The following PAAF1 variants were observed in gnomAD, a reference collection of about 807,000 sequenced individuals.
PAAF1 encodes proteasomal ATPase-associated factor 1.
PAAF1 carries 46 observed loss-of-function variants against 52.8 expected under a neutral mutation model. The ratio of observed to expected loss-of-function variants is 0.87; its 90% CI spans 0.69 to 1.11. PAAF1 has a LOEUF of 1.11. Among genes scored for constraint, PAAF1 ranks in the 50% most tolerant of loss-of-function variants. The probability of loss-of-function intolerance (pLI) is 0.00; values close to 1 mark genes in which losing one functional copy is unlikely to be tolerated. For missense variants in PAAF1, 424 were observed against 477.4 expected, an observed-to-expected ratio of 0.89 and a Z score of 1.04; for synonymous variants, 178 against 172.8, an observed-to-expected ratio of 1.03 and a Z score of -0.24.
chr11:73,888,927 G>T (rs550786225), intron 3 of PAAF1: 1 of 475,838 alleles, frequency 2.1e-6, no homozygotes, highest in Non-Finnish European at 3.7e-6. Context: ...AAATACTACA[G>T]AAGTTAGTTT....
rs533161164 is a variant in PAAF1 at position 73,884,863 on chromosome 11, C to G, written c.89-2491C>G. 2.7e-3 allele frequency among the ~76,000 whole-genome samples: 396 copies of G among 144,006 alleles called. 3 individuals carry two copies. The highest frequency in any genetic ancestry group is 8.8e-3 in the African/African-American group (343 of 39,182). The allele number at this position is 144,006 out of a possible 152,430, so 94.5% of individuals were successfully genotyped here. On this transcript the variant is annotated intron_variant, in intron 2 of 11. Coordinates refer to ENST00000310571, the MANE Select transcript of PAAF1 (RefSeq NM_025155.3). Reference sequence around the variant, plus strand: ...TTGTTCTTTTTGACTTTCTTTTATTCTTTTTTTTTTTTTTGAGACGGAGTC... The same window carrying G: ...TTGTTCTTTTTGACTTTCTTTTATTGTTTTTTTTTTTTTTGAGACGGAGTC...
chr11:73,919,543 G>C (rs1351393260), intron 10 of PAAF1, among the ~76,000 whole-genome samples: 1 of 152,174 alleles, frequency 6.6e-6, no homozygotes, highest in African/African-American at 2.4e-5. Context: ...GGCAAGCGGG[G>C]GCAAAAGAAG....
chr11:73,886,760 T>C (rs888266090), intron 2 of PAAF1, among the ~76,000 whole-genome samples: 3 of 150,342 alleles, frequency 2.0e-5, no homozygotes, highest in African/African-American at 7.3e-5. Context: ...TGCTATAGTG[T>C]GTATGTTTGA....
chr11:73,912,007 A>G (rs1337414387), intron 7 of PAAF1, among the ~76,000 whole-genome samples: 3 of 152,114 alleles, frequency 2.0e-5, no homozygotes, highest in African/African-American at 7.2e-5. Flanking sequence ...GGTATTTCAC[A>G]TAGTAAACCC....
rs1391291732 is a variant in PAAF1 at position 73,927,337 on chromosome 11, G to C, written c.1154G>C (p.Arg385Pro). The C allele has an allele frequency of 6.2e-7, 1 of 1,614,092 alleles. No individual in the cohort carries two copies. Among genetic ancestry groups the C allele is most frequent in the South Asian group, 1.1e-5 (1 of 91,068 alleles). Residue 385 changes from arginine (R) to proline (P), a missense_variant, in exon 12 of 12, where the codon CGA becomes CCA. Transcript: ENST00000310571. ...ACATGCTGTCGAGACGGTCTTGTAC[G>C]ACGCTACCAGCTTTCTGACCTCTGA... ...IYTCCRDGLVRRYQLSDL is the reference protein window; with the variant it reads ...IYTCCRDGLVPRYQLSDL
At chr11:73,899,024 G>C in intron 4 of PAAF1, 122 bp from the exon 5 acceptor site, 2 of 701,264 alleles carry the variant, frequency 2.9e-6, no homozygotes. Flanking sequence ...AAGTCCTTTT[G>C]TTGGGAAACA....
chr11:73,883,005 T>G (rs576684986), intron 2 of PAAF1, among the ~76,000 whole-genome samples: 1 of 152,174 alleles, frequency 6.6e-6, no homozygotes, highest in African/African-American at 2.4e-5. Flanking sequence ...GTTCAAGAGA[T>G]CCTCCCACTT....
intron 6 of PAAF1, among the ~76,000 whole-genome samples, chr11:73,903,887 C>A (rs934453001): frequency 1.1e-4 from 16 of 151,716 alleles, no homozygotes; most frequent in African/African-American, 3.6e-4. Flanking sequence ...AGTTCAAAAC[C>A]AGCCTGGCAA....
At chr11:73,896,592 T>C (rs1216373943) in intron 4 of PAAF1, among the ~76,000 whole-genome samples, 2 of 151,670 alleles carry the variant, frequency 1.3e-5, no homozygotes, top group Non-Finnish European at 2.9e-5. Context: ...ACAGCACATG[T>C]TTCAGAGAGC....
At chr11:73,902,910 AG>A (rs1447490670) in intron 6 of PAAF1, among the ~76,000 whole-genome samples, 6 of 152,146 alleles carry the variant, frequency 3.9e-5, no homozygotes, top group African/African-American at 1.4e-4. Context: ...CATATTGGCC[AG>A]GCTGGTCTCA....
chr11:73,916,792 TC>T (rs1950076622), intron 9 of PAAF1, 132 bp downstream of exon 9: 1 of 539,198 alleles, frequency 1.9e-6, no homozygotes, highest in Admixed American at 3.7e-5. Context: ...ACAAAGGTTT[TC>T]CAGTCTGAAT....
At chr11:73,916,975 C>T (rs1218569072) in intron 9 of PAAF1, among the ~76,000 whole-genome samples, 2 of 152,116 alleles carry the variant, frequency 1.3e-5, no homozygotes, top group African/African-American at 4.8e-5. Context: ...TTTTCTCTTA[C>T]ATTAGACCCT....
At chr11:73,921,080 A>C (rs1302766433) in intron 10 of PAAF1, among the ~76,000 whole-genome samples, 2 of 152,090 alleles carry the variant, frequency 1.3e-5, no homozygotes, top group African/African-American at 2.4e-5. Context: ...CGGGTGGATC[A>C]GCTGAGGTCA....
intron 10 of PAAF1, 135 bp from the exon 11 acceptor site, chr11:73,924,480 G>A: frequency 1.4e-6 from 1 of 698,948 alleles, no homozygotes; most frequent in Non-Finnish European, 2.4e-6. Context: ...CACGTAATAA[G>A]ATCTATTTGC....
intron 6 of PAAF1, among the ~76,000 whole-genome samples, chr11:73,904,376 C>T (rs1341475447): frequency 6.6e-6 from 1 of 152,094 alleles, no homozygotes; most frequent in Non-Finnish European, 1.5e-5. Context: ...CATTTATAAT[C>T]CTAATTCTTT....
chr11:73,896,252 C>CT (rs1491512506), intron 4 of PAAF1, among the ~76,000 whole-genome samples: 4 of 130,890 alleles, frequency 3.1e-5, no homozygotes, highest in Admixed American at 7.5e-5. Flanking sequence ...AATATCTGAA[C>CT]TCTTTTTTTT....
rs75236868 is a variant in PAAF1, at chr11:73,888,530, G to C, written c.192+1073G>C. ...TGCTCTGGTGAGATGATTCCGTAAG[G>C]GTGGACCAGCCTTTTGTTTCATTTT... On this transcript the variant is annotated intron_variant, in intron 3 of 11. Transcript: ENST00000310571. 8.5e-3 allele frequency among the ~76,000 whole-genome samples: 1,288 copies of C among 152,224 alleles called. 15 individuals are homozygous for C. The highest frequency in any genetic ancestry group is 9.8e-3 in the Non-Finnish European group (668 of 68,020).
At chr11:73,909,364 A>G (rs375986853) in intron 6 of PAAF1, 35 bp from the exon 7 acceptor site, 1 of 1,602,924 alleles carries the variant, frequency 6.2e-7, no homozygotes, top group Non-Finnish European at 8.5e-7. Flanking sequence ...CCTTTACTCC[A>G]TCCTCCATCT....
intron 2 of PAAF1, among the ~76,000 whole-genome samples, chr11:73,884,400 C>T (rs962922883): frequency 6.6e-6 from 1 of 152,086 alleles, no homozygotes; most frequent in African/African-American, 2.4e-5. Context: ...GAAGCTGAGG[C>T]GGGAGAATCC....
Sources: gnomAD v4.1 joint callset for allele counts (sites outside exome capture counted in the v4.1 genomes callset) on GRCh38, gnomAD v4.1.1 for gene constraint, MANE v1.5 for transcripts, NCBI Gene and HGNC (gene_info 2026-07-23, HGNC 2026-07-21) for gene names.